The following NRXN1 variants were observed in gnomAD, a reference collection of about 807,000 sequenced individuals.
NRXN1 encodes the protein neurexin-1.
NRXN1 carries 39 observed loss-of-function variants against 150.9 expected under a neutral mutation model. That is an observed-to-expected ratio of 0.26 (90% confidence interval 0.20 to 0.34). NRXN1 has a LOEUF of 0.34. Among genes scored for constraint, NRXN1 ranks in the 10% least tolerant of loss-of-function variants. NRXN1 has a pLI of 1.00. For missense variants in NRXN1, 1,815 were observed against 1,949.9 expected, an observed-to-expected ratio of 0.93 and a Z score of 1.30; for synonymous variants, 924 against 757.0, an observed-to-expected ratio of 1.22 and a Z score of -3.62.
At chr2:50,659,393 A>G (rs1054093314) in intron 5 of NRXN1, among the ~76,000 whole-genome samples, 1 of 151,948 alleles carries the variant, frequency 6.6e-6, no homozygotes, top group Non-Finnish European at 1.5e-5. Flanking sequence ...ATAACACAGG[A>G]TATTTTCCTT....
chr2:50,798,148 T>G (rs2105665489), intron 5 of NRXN1, among the ~76,000 whole-genome samples: 1 of 152,168 alleles, frequency 6.6e-6, no homozygotes, highest in Non-Finnish European at 1.5e-5. Flanking sequence ...ATAAGGAGAA[T>G]ATGGGGGAAA....
chr2:50,066,076 C>A (rs887659000), intron 19 of NRXN1, among the ~76,000 whole-genome samples: 1 of 152,166 alleles, frequency 6.6e-6, no homozygotes, highest in African/African-American at 2.4e-5. Context: ...CTACACATAT[C>A]TCATGTTCCA....
chr2:50,690,569 A>C (rs1164019025), intron 5 of NRXN1, among the ~76,000 whole-genome samples: 2 of 152,202 alleles, frequency 1.3e-5, no homozygotes, highest in African/African-American at 2.4e-5. Flanking sequence ...GAGATGTCAC[A>C]TGCATCCATG....
At chr2:50,044,665 T>C (rs1181966837) in intron 21 of NRXN1, among the ~76,000 whole-genome samples, 1 of 152,210 alleles carries the variant, frequency 6.6e-6, no homozygotes, top group Non-Finnish European at 1.5e-5. Context: ...AGCTTTGCTA[T>C]TGTTGATGTA....
chr2:50,399,252 A>G (rs772194722), intron 17 of NRXN1, among the ~76,000 whole-genome samples: 24 of 152,144 alleles, frequency 1.6e-4, no homozygotes, highest in African/African-American at 4.6e-4. Flanking sequence ...CTGGAAGGAT[A>G]TATTTCCCAT....
In NRXN1 at chr2:51,024,060, G is replaced by T. The variant is rs1003625743; in HGVS notation, c.772+3442C>A. ...GAGAATTATAACTTAATTTCTTATT[G>T]ATTATCCTTGTTATTCTTGTTTTTA... On this transcript the variant is annotated intron_variant, in intron 2 of 22. Transcript: ENST00000401669. Among the ~76,000 whole-genome samples the T allele has an allele frequency of 2.6e-5, 4 of 152,286 alleles. No homozygotes were observed. In the Middle Eastern group the frequency reaches 0.01, roughly 388 times the overall value.
At chr2:50,171,163 G>A (rs947289161) in intron 18 of NRXN1, among the ~76,000 whole-genome samples, 4 of 151,806 alleles carry the variant, frequency 2.6e-5, no homozygotes, top group African/African-American at 9.7e-5. Context: ...GCTGTCTCAT[G>A]GGTGGCAGAG....
intron 5 of NRXN1, among the ~76,000 whole-genome samples, chr2:50,710,385 C>A (rs1349050394): frequency 2.0e-5 from 3 of 152,180 alleles, no homozygotes; most frequent in Non-Finnish European, 4.4e-5. Context: ...TACACCTGTT[C>A]TTCATTTGTG....
intron 5 of NRXN1, among the ~76,000 whole-genome samples, chr2:50,715,700 ACT>A (rs1249459223): frequency 6.6e-6 from 1 of 151,844 alleles, no homozygotes; most frequent in Non-Finnish European, 1.5e-5. Flanking sequence ...TGCATGCAAC[ACT>A]CTCTCTTCCT....
At chr2:51,029,297 G>C (rs1258438949) in intron 1 of NRXN1, 103 bp from the exon 2 acceptor site, 2 of 152,054 alleles carry the variant, frequency 1.3e-5, no homozygotes, top group South Asian at 2.1e-4. Context: ...CTATTAGTAA[G>C]GCAAAGAGTT....
chr2:50,370,692 G>A (rs953782885), intron 17 of NRXN1, among the ~76,000 whole-genome samples: 4 of 151,946 alleles, frequency 2.6e-5, no homozygotes, highest in Non-Finnish European at 4.4e-5. Flanking sequence ...AGGGAAAGGT[G>A]GTGGAAGAGG....
intron 18 of NRXN1, among the ~76,000 whole-genome samples, chr2:50,208,627 G>T (rs1559094193): frequency 6.6e-6 from 1 of 152,030 alleles, no homozygotes; most frequent in South Asian, 2.1e-4. Context: ...TGCAGGGGCT[G>T]TACTCCACCC....
intron 5 of NRXN1, among the ~76,000 whole-genome samples, chr2:50,785,334 C>T (rs568018193): frequency 2.3e-4 from 35 of 150,576 alleles, no homozygotes; most frequent in African/African-American, 6.1e-4. Flanking sequence ...CTGCAAGCTC[C>T]GTCTCCCAAG....
intron 18 of NRXN1, among the ~76,000 whole-genome samples, chr2:50,219,975 A>ATATATT (rs1491470411): frequency 7.8e-5 from 2 of 25,734 alleles, no homozygotes; most frequent in African/African-American, 6.8e-4. Context: ...ATATATATAT[A>ATATATT]ATATATATAT....
intron 17 of NRXN1, among the ~76,000 whole-genome samples, chr2:50,301,027 T>A (rs1050994884): frequency 6.6e-6 from 1 of 152,058 alleles, no homozygotes; most frequent in Non-Finnish European, 1.5e-5. Flanking sequence ...CAGATAAGGA[T>A]GCCTCATAGG....
intron 21 of NRXN1, among the ~76,000 whole-genome samples, chr2:50,032,237 T>C (rs150290710): frequency 6.6e-6 from 1 of 152,060 alleles, no homozygotes; most frequent in African/African-American, 2.4e-5. Flanking sequence ...TAATAAATAT[T>C]TTCCTGTTCA....
In NRXN1 at chr2:50,629,761, T is replaced by C. The variant is rs114052711; in HGVS notation, c.833-6146A>G. 5.1e-3 allele frequency among the ~76,000 whole-genome samples: 780 copies of C among 151,776 alleles called. 5 individuals carry two copies. Among genetic ancestry groups the C allele is most frequent in the South Asian group, 8.5e-3 (41 of 4,824 alleles). Reference sequence around the variant, plus strand: ...ATAGTAAAAGCTAAAATAAAGCCAATAGTAATAATTTCAATTGTCACTTTT... The same window carrying C: ...ATAGTAAAAGCTAAAATAAAGCCAACAGTAATAATTTCAATTGTCACTTTT... On this transcript the variant is annotated intron_variant, in intron 5 of 22. Coordinates refer to ENST00000401669, the MANE Select transcript of NRXN1 (RefSeq NM_001330078.2).
chr2:50,334,856 C>T (rs1334083968), intron 17 of NRXN1, among the ~76,000 whole-genome samples: 4 of 152,234 alleles, frequency 2.6e-5, no homozygotes, highest in East Asian at 1.9e-4. Context: ...GGAGGAGGGG[C>T]GATACAGACT....
chr2:50,702,514 G>A (rs930495179), intron 5 of NRXN1, among the ~76,000 whole-genome samples: 8 of 151,808 alleles, frequency 5.3e-5, no homozygotes, highest in African/African-American at 1.5e-4. Context: ...GAAGAACAGA[G>A]AAAATTTTCT....
Sources: allele counts gnomAD v4.1 joint callset (sites outside exome capture counted in the v4.1 genomes callset), GRCh38; gene constraint gnomAD v4.1.1; transcripts MANE v1.5; gene names NCBI Gene and HGNC (gene_info 2026-07-23, HGNC 2026-07-21).